Variants in JADE2 observed in about 807,000 individuals in gnomAD.
JADE2 encodes the protein E3 ubiquitin-protein ligase Jade-2.
A neutral mutation model predicts 85.7 loss-of-function variants in JADE2; 13 were observed. That is an observed-to-expected ratio of 0.15 (90% CI 0.10 to 0.24). The LOEUF (loss-of-function observed/expected upper bound fraction) is 0.24. JADE2 is among the 10% of genes least tolerant of loss of function. The pLI is 1.00. For missense variants in JADE2, 846 were observed against 1,115.9 expected (o/e 0.76, Z 3.45); for synonymous variants, 440 against 456.1 (o/e 0.96, Z 0.45).
At chr5:134,572,323 A>G (rs1438705252) in intron 9 of JADE2, among the ~76,000 whole-genome samples, 3 of 152,228 alleles carry the variant, frequency 2.0e-5, no homozygotes, top group African/African-American at 7.2e-5. Context: ...CGGAGAGTCC[A>G]TGCAGAGCAC....
rs1581376691 is a variant in JADE2, at chr5:134,525,974, C to G, written c.-38C>G. 6 of 985,486 alleles carry G rather than the reference C, an allele frequency of 6.1e-6. No individual in the cohort carries two copies. Among genetic ancestry groups the G allele is most frequent in the African/African-American group, 1.7e-5 (1 of 57,216 alleles). The allele number at this position is 985,486 out of a possible 1,614,324, so 61.0% of individuals were successfully genotyped here. ...GCCGGTCCCTGCAGCGGCGCGTAGC[C>G]GAGGGCAGCGCCCGTCAGGGGGGCA... On this transcript the variant is annotated 5_prime_UTR_variant, in exon 1 of 12. Transcript: ENST00000681547.
intron 9 of JADE2, among the ~76,000 whole-genome samples, chr5:134,567,899 G>T (rs1300355956): frequency 6.6e-6 from 1 of 152,182 alleles, no homozygotes; most frequent in Non-Finnish European, 1.5e-5. Flanking sequence ...AGAGGGCAAG[G>T]CTACCTACAT....
chr5:134,567,622 C>T (rs866611239), intron 9 of JADE2, among the ~76,000 whole-genome samples: 2 of 152,158 alleles, frequency 1.3e-5, no homozygotes, highest in Non-Finnish European at 2.9e-5. Context: ...TTGTGTGACC[C>T]AAGGCGCCTG....
intron 9 of JADE2, among the ~76,000 whole-genome samples, chr5:134,567,626 G>A (rs550790570): frequency 1.5e-3 from 226 of 152,282 alleles, no homozygotes; most frequent in Non-Finnish European, 2.4e-3. Context: ...GTGACCCAAG[G>A]CGCCTGCTTT....
chr5:134,574,064 G>A, intron 10 of JADE2: 1 of 434,002 alleles, frequency 2.3e-6, no homozygotes, highest in Admixed American at 3.6e-5. Context: ...ATGTGAACAG[G>A]TACAGAGAAG....
chr5:134,538,108 G>T, intron 3 of JADE2, 25 bp downstream of exon 3: 1 of 1,562,192 alleles, frequency 6.4e-7, no homozygotes, highest in Non-Finnish European at 8.8e-7. Context: ...GCTTCCCAGA[G>T]ATCTGTGGGG....
intron 1 of JADE2, chr5:134,526,844 C>A: frequency 1.2e-6 from 1 of 824,938 alleles, no homozygotes; most frequent in East Asian, 1.2e-4. Context: ...GCGCGGTAGT[C>A]CAGCTGGGGA....
chr5:134,547,754 G>T (rs1243921384), intron 3 of JADE2, among the ~76,000 whole-genome samples: 1 of 152,228 alleles, frequency 6.6e-6, no homozygotes, highest in Admixed American at 6.5e-5. Context: ...GCTGGCCCAT[G>T]GAAGGATCTT....
At chr5:134,536,857 G>T (rs1761623251) in intron 2 of JADE2, 1 of 152,198 alleles carries the variant, frequency 6.6e-6, no homozygotes, top group Non-Finnish European at 1.5e-5. Flanking sequence ...AAGATTAGGG[G>T]GCTTGCCAAG....
intron 3 of JADE2, among the ~76,000 whole-genome samples, chr5:134,538,830 A>G (rs1202932688): frequency 1.3e-5 from 2 of 150,788 alleles, no homozygotes; most frequent in African/African-American, 4.9e-5. Context: ...GCTTGGAGAG[A>G]TGGAGAGATG....
In JADE2 at chr5:134,580,547, A is replaced by G. The variant is rs1764661871; in HGVS notation, c.*1230A>G. 1 of 151,558 alleles carries G rather than the reference A, an allele frequency of 6.6e-6. No homozygotes were observed. The highest frequency in any genetic ancestry group is 1.5e-5 in the Non-Finnish European group (1 of 67,878). The allele number at this position is 151,558 out of a possible 1,614,324, so 9.4% of individuals were successfully genotyped here. ...CCCCAGGGTGATAGCTCAGGGAACA[A>G]CAAAAAAGGAATTCCGTGAAAACAT... On this transcript the variant is annotated 3_prime_UTR_variant, in exon 12 of 12. Transcript: ENST00000681547.
Position 134,562,283 on chromosome 5 carries a change from C to T in JADE2, c.768C>T (p.Leu256=), listed in dbSNP as rs769295036. 2 of 1,614,158 alleles carry T rather than the reference C, an allele frequency of 1.2e-6. No individual in the cohort carries two copies. The highest frequency in any genetic ancestry group is 2.2e-5 in the South Asian group (2 of 91,086). Residue 256 remains leucine, a synonymous_variant, in exon 7 of 12, where the codon CTC becomes CTT. Transcript: ENST00000681547. The surrounding 1 kb of genome is among the most constrained non-coding windows in gnomAD (Gnocchi z 4.6). ...TGGGTGTCCAGCCAAAGTGCCTGCT[C>T]TGCCCCAAGCGAGGAGGAGCCTTGA... The part of the protein sequence containing the change: ...CALGVQPKCL[L]CPKRGGALKP...
At chr5:134,533,810 G>A (rs77226760) in intron 1 of JADE2, among the ~76,000 whole-genome samples, 12 of 144,464 alleles carry the variant, frequency 8.3e-5, no homozygotes, top group African/African-American at 3.1e-4. Context: ...GCAGTGGCAC[G>A]ATCATGGCTC....
At chr5:134,570,390 C>A (rs1481428071) in intron 9 of JADE2, among the ~76,000 whole-genome samples, 1 of 152,200 alleles carries the variant, frequency 6.6e-6, no homozygotes, top group African/African-American at 2.4e-5. Flanking sequence ...TTTTCTTCAT[C>A]CCCTCTGCGG....
intron 10 of JADE2, chr5:134,574,151 C>A: frequency 3.2e-6 from 1 of 315,400 alleles, no homozygotes; most frequent in Non-Finnish European, 6.1e-6. Flanking sequence ...CCTGGTGTGC[C>A]TGGGAGTCAG....
chr5:134,529,932 G>A lies in JADE2; in HGVS notation c.-1+3921G>A, dbSNP rs540421091. 2.5e-4 allele frequency among the ~76,000 whole-genome samples: 38 copies of A among 152,356 alleles called. No individual in the cohort carries two copies. In the South Asian group the frequency reaches 4.8e-3, roughly 19 times the overall value. On this transcript the variant is annotated intron_variant, in intron 1 of 11. Transcript: ENST00000681547. ...GTGGGTGTGGCAGCGTCTTCAAGGGGAGCTGAGTCCCCTCTGGGACACTTG... is the reference window on the plus strand; with the variant it reads ...GTGGGTGTGGCAGCGTCTTCAAGGGAAGCTGAGTCCCCTCTGGGACACTTG...
Position 134,579,434 on chromosome 5 carries a change from G to A in JADE2, c.*117G>A, listed in dbSNP as rs547585946. The A allele has an allele frequency of 4.4e-4, 332 of 758,442 alleles. 1 individual carries two copies. In the African/African-American group the frequency reaches 4.5e-3, roughly 10 times the overall value. 47.0% of individuals were successfully genotyped at this position (758,442 alleles called of 1,614,324 possible). The stretch of plus-strand genomic sequence containing the variant: ...CCCAGACCCTCGAGGCTGCCACTCC[G>A]TCGTGGTTTTATTTTTAATATAGAG... On this transcript the variant is annotated 3_prime_UTR_variant, in exon 12 of 12. Transcript: ENST00000681547. The surrounding 1 kb of genome is among the most constrained non-coding windows in gnomAD (Gnocchi z 4.6).
chr5:134,548,036 T>C (rs896680591), intron 3 of JADE2, among the ~76,000 whole-genome samples: 2 of 152,198 alleles, frequency 1.3e-5, no homozygotes, highest in African/African-American at 4.8e-5. Flanking sequence ...AAGGGAGTAG[T>C]GTCCCAGGCA....
chr5:134,541,966 C>A (rs887603233), intron 3 of JADE2, among the ~76,000 whole-genome samples: 9 of 152,380 alleles, frequency 5.9e-5, no homozygotes, highest in Admixed American at 3.3e-4. Context: ...AATGGCTGGC[C>A]CTTCCCTCAG....
Sources: gnomAD v4.1 joint callset for allele counts (sites outside exome capture counted in the v4.1 genomes callset) on GRCh38, gnomAD v4.1.1 for gene constraint, Gnocchi (gnomAD v3.1) non-coding constraint, MANE v1.5 for transcripts, NCBI Gene and HGNC (gene_info 2026-07-23, HGNC 2026-07-21) for gene names.